Variants in PLEKHM1 observed in about 807,000 individuals in gnomAD.
The protein encoded by PLEKHM1 is pleckstrin homology and RUN domain containing M1, also known as pleckstrin homology domain-containing family M member 1.
In PLEKHM1, 28 loss-of-function variants were observed where a neutral mutation model predicts 94.3. The ratio of observed to expected loss-of-function variants is 0.30; its 90% CI spans 0.22 to 0.41. The LOEUF (loss-of-function observed/expected upper bound fraction) is 0.41, where lower values mean the gene tolerates loss of function less well. Among genes scored for constraint, PLEKHM1 ranks in the 10% least tolerant of loss-of-function variants. The pLI, the probability that PLEKHM1 is intolerant of heterozygous loss-of-function variation, is 1.00. For missense variants in PLEKHM1, 907 were observed against 1,358.6 expected (o/e 0.67, Z 5.22); for synonymous variants, 424 against 581.2 (o/e 0.73, Z 3.89).
chr17:45,486,044 G>T (rs1412165141), intron 1 of PLEKHM1, among the ~76,000 whole-genome samples: 1 of 131,352 alleles, frequency 7.6e-6, no homozygotes, highest in Non-Finnish European at 1.7e-5. Context: ...GTGAAACCCC[G>T]TCTCTACTAA....
At chr17:45,456,813 T>C in intron 6 of PLEKHM1, among the ~76,000 whole-genome samples, 1 of 152,236 alleles carries the variant, frequency 6.6e-6, no homozygotes, top group East Asian at 1.9e-4. Flanking sequence ...TGAAGGTTAC[T>C]GAAAAATTTG....
In PLEKHM1 at chr17:45,490,662, G is replaced by A. The variant is rs1184558657; in HGVS notation, c.-52C>T. The A allele has an allele frequency of 4.4e-6, 2 of 450,670 alleles. No homozygotes were observed. Among genetic ancestry groups the A allele is most frequent in the Admixed American group, 4.7e-5 (2 of 42,366 alleles). 27.9% of individuals were successfully genotyped at this position (450,670 alleles called of 1,614,324 possible). A position where few individuals can be genotyped will look rare whatever the true frequency, so the allele number is the denominator to read the frequency against. ...GACCCCCTAACTCACCAAGCGGAGC[G>A]AGGAGCGAGGCGAGGGGCGCTCCCG... On this transcript the variant is annotated 5_prime_UTR_variant, in exon 1 of 12. Coordinates refer to ENST00000430334, the MANE Select transcript of PLEKHM1 (RefSeq NM_014798.3).
At chr17:45,440,365 T>G (rs1316890109) in intron 9 of PLEKHM1, 139 bp from the exon 10 acceptor site, 1 of 818,890 alleles carries the variant, frequency 1.2e-6, no homozygotes, top group Non-Finnish European at 2.1e-6. Flanking sequence ...GGAGTGTAAT[T>G]CGGCCTGCCT....
Position 45,440,332 on chromosome 17 carries a change from C to T in PLEKHM1, c.2838-106G>A, listed in dbSNP as rs986934101. ...GCGCTGCTCACCAGGCAGACACCCCCCGCCTGGGCGGGGCAGGGGCTAGGA... is the reference window on the plus strand; with the variant it reads ...GCGCTGCTCACCAGGCAGACACCCCTCGCCTGGGCGGGGCAGGGGCTAGGA... On this transcript the variant is annotated intron_variant, in intron 9 of 11. Coordinates refer to ENST00000430334, the MANE Select transcript of PLEKHM1 (RefSeq NM_014798.3). The T allele has an allele frequency of 6.9e-6, 8 of 1,165,808 alleles. No homozygotes were observed. The Admixed American group carries it at 1.3e-4, about 18-fold the overall frequency. 72.2% of individuals were successfully genotyped at this position (1,165,808 alleles called of 1,614,324 possible).
At chr17:45,483,054 C>T (rs933150014) in intron 1 of PLEKHM1, among the ~76,000 whole-genome samples, 26 of 151,866 alleles carry the variant, frequency 1.7e-4, no homozygotes, top group Admixed American at 1.2e-3. Context: ...ACCACTGGAA[C>T]GGCTTCAAAA....
At chr17:45,478,195 G>T (rs1235601864) in intron 2 of PLEKHM1, 48 bp from the exon 3 acceptor site, 20 of 1,612,998 alleles carry the variant, frequency 1.2e-5, no homozygotes, top group Non-Finnish European at 1.7e-5. Flanking sequence ...AAATCCTATG[G>T]AGAGTCCCTA....
chr17:45,437,372 T>C lies in PLEKHM1; in HGVS notation c.*486A>G, dbSNP rs576553782. Reference sequence around the variant, plus strand: ...GCCAGGCCTGAGTGGCTCCTGTGCATCCGCTGGGGGTGAGAATGTCTGGAT... The same window carrying C: ...GCCAGGCCTGAGTGGCTCCTGTGCACCCGCTGGGGGTGAGAATGTCTGGAT... On this transcript the variant is annotated 3_prime_UTR_variant, in exon 12 of 12. Coordinates refer to ENST00000430334, the MANE Select transcript of PLEKHM1 (RefSeq NM_014798.3). The surrounding 1 kb of genome is among the most constrained non-coding windows in gnomAD (Gnocchi z 4.0). 42 of 454,248 alleles carry C rather than the reference T, an allele frequency of 9.2e-5. No homozygotes were observed. Among genetic ancestry groups the C allele is most frequent in the African/African-American group, 8.2e-4 (41 of 50,122 alleles). The allele number at this position is 454,248 out of a possible 1,614,324, so 28.1% of individuals were successfully genotyped here. A position where few individuals can be genotyped will look rare whatever the true frequency, so the allele number is the denominator to read the frequency against.
chr17:45,482,836 T>C (rs1440756078), intron 1 of PLEKHM1, among the ~76,000 whole-genome samples: 1 of 151,770 alleles, frequency 6.6e-6, no homozygotes, highest in Non-Finnish European at 1.5e-5. Context: ...GATTGAAACC[T>C]GTAGGCAGGG....
chr17:45,466,016 A>G (rs1193266939), intron 5 of PLEKHM1, among the ~76,000 whole-genome samples: 1 of 152,136 alleles, frequency 6.6e-6, no homozygotes, highest in Non-Finnish European at 1.5e-5. Context: ...TTCAGCCTTC[A>G]GCTTGAGTTG....
At chr17:45,449,975 G>A (rs1210012654) in intron 8 of PLEKHM1, among the ~76,000 whole-genome samples, 1 of 138,638 alleles carries the variant, frequency 7.2e-6, no homozygotes, top group African/African-American at 2.8e-5. Context: ...GCCACCACCT[G>A]CTCATTCACC....
intron 9 of PLEKHM1, among the ~76,000 whole-genome samples, chr17:45,442,050 C>T (rs2050464140): frequency 6.6e-6 from 1 of 152,146 alleles, no homozygotes; most frequent in Non-Finnish European, 1.5e-5. Flanking sequence ...CACCCCTTCC[C>T]GGCTGTCGGG....
Position 45,475,627 on chromosome 17 carries a change from C to T in PLEKHM1, c.396G>A (p.Glu132=), listed in dbSNP as rs377434957. Residue 132 remains glutamate, a synonymous_variant, in exon 4 of 12, where the codon GAG becomes GAA. Transcript: ENST00000430334. ...CCTGCAGCAGCAGCTTCAGGTAGCA[C>T]TCCATCAGGCCATCGTTCAGGGCCA... ...LRLALNDGLM[E]CYLKLLLQEQ... is the part of the protein sequence containing the mutation. 28 of 1,613,948 alleles carry T rather than the reference C, an allele frequency of 1.7e-5. No homozygotes were observed. The African/African-American group carries it at 2.1e-4, about 12-fold the overall frequency.
chr17:45,480,247 C>A (rs565362140), intron 2 of PLEKHM1, among the ~76,000 whole-genome samples: 3 of 152,336 alleles, frequency 2.0e-5, no homozygotes, highest in Admixed American at 2.0e-4. Flanking sequence ...CTTCGGGAGG[C>A]CAAGACGAGT....
In PLEKHM1 at chr17:45,436,370, C is replaced by T. The variant is rs2050257181; in HGVS notation, c.*1488G>A. 2.2e-6 allele frequency: 1 copy of T among 454,022 alleles called. No homozygotes were observed. The highest frequency in any genetic ancestry group is 2.3e-5 in the Admixed American group (1 of 42,564). The allele number at this position is 454,022 out of a possible 1,614,324, so 28.1% of individuals were successfully genotyped here. The stretch of plus-strand genomic sequence containing the variant: ...ACCGGGAGAAGCTGTGCGCAGCCTC[C>T]ACCTGCCTGCCACCGTTGCCTCTGT... On this transcript the variant is annotated 3_prime_UTR_variant, in exon 12 of 12. Coordinates refer to ENST00000430334, the MANE Select transcript of PLEKHM1 (RefSeq NM_014798.3).
intron 2 of PLEKHM1, among the ~76,000 whole-genome samples, chr17:45,481,498 T>A (rs888026916): frequency 6.7e-6 from 1 of 149,368 alleles, no homozygotes; most frequent in Non-Finnish European, 1.5e-5. Context: ...ATTGAGCACC[T>A]ACTAGGTGTT....
At chr17:45,479,604 T>C (rs1466250044) in intron 2 of PLEKHM1, among the ~76,000 whole-genome samples, 4 of 151,812 alleles carry the variant, frequency 2.6e-5, no homozygotes. Flanking sequence ...GAGAATCACT[T>C]AAACCCAGGA....
intron 6 of PLEKHM1, chr17:45,454,526 C>G (rs529107648): frequency 3.3e-6 from 2 of 605,640 alleles, no homozygotes; most frequent in South Asian, 1.9e-5. Context: ...CCCCTCCACA[C>G]GCCCTGTTCC....
chr17:45,483,314 A>G (rs983716300), intron 1 of PLEKHM1, among the ~76,000 whole-genome samples: 5 of 151,784 alleles, frequency 3.3e-5, no homozygotes, highest in Admixed American at 6.6e-5. Context: ...GGCCACCTAA[A>G]CCTACAGACC....
At chr17:45,473,307 G>A (rs1052209175) in intron 4 of PLEKHM1, among the ~76,000 whole-genome samples, 4 of 152,146 alleles carry the variant, frequency 2.6e-5, no homozygotes, top group African/African-American at 9.7e-5. Context: ...AAAAGAATGA[G>A]GCTGGGCGCA....
Sources: gnomAD v4.1 joint callset for allele counts (sites outside exome capture counted in the v4.1 genomes callset) on GRCh38, gnomAD v4.1.1 for gene constraint, Gnocchi (gnomAD v3.1) non-coding constraint, MANE v1.5 for transcripts, NCBI Gene and HGNC (gene_info 2026-07-23, HGNC 2026-07-21) for gene names.